Variants in CTNNA3 observed in about 807,000 individuals in gnomAD.
CTNNA3 encodes the protein catenin alpha 3.
In CTNNA3, 76 loss-of-function variants were observed where a neutral mutation model predicts 95.7. That is an observed-to-expected ratio of 0.79 (90% confidence interval 0.66 to 0.96). The LOEUF (loss-of-function observed/expected upper bound fraction) is 0.96. Among genes scored for constraint, CTNNA3 ranks in the 40% least tolerant of loss-of-function variants. CTNNA3 has a pLI of 0.00. For synonymous variants in CTNNA3, 431 were observed against 374.4 expected (o/e 1.15, Z -1.74); for missense variants, 1,191 against 1,089.8 (o/e 1.09, Z -1.31).
intron 9 of CTNNA3, among the ~76,000 whole-genome samples, chr10:66,623,753 T>C (rs538007595): frequency 1.1e-3 from 164 of 152,304 alleles, no homozygotes; most frequent in Non-Finnish European, 1.8e-3. Flanking sequence ...TTAGTGCTAT[T>C]GTGTACAAAC....
intron 5 of CTNNA3, among the ~76,000 whole-genome samples, chr10:67,452,866 T>C (rs1224438952): frequency 6.6e-6 from 1 of 152,202 alleles, no homozygotes; most frequent in Non-Finnish European, 1.5e-5. Flanking sequence ...CAGGGGGTAG[T>C]TGGGAGGAGA....
chr10:67,734,743 A>G (rs1311649904), intron 1 of CTNNA3, among the ~76,000 whole-genome samples: 2 of 152,142 alleles, frequency 1.3e-5, no homozygotes, highest in Non-Finnish European at 2.9e-5. Flanking sequence ...ACCAAAAATA[A>G]TATATCTAAG....
At chr10:66,065,471 CT>C (rs1221972921) in intron 15 of CTNNA3, among the ~76,000 whole-genome samples, 1 of 152,034 alleles carries the variant, frequency 6.6e-6, no homozygotes, top group Non-Finnish European at 1.5e-5. Context: ...TCTTACCTAT[CT>C]TTTTAAATAA....
chr10:66,980,097 A>G lies in CTNNA3; in HGVS notation c.1047+200220T>C, dbSNP rs868761958. Among the ~76,000 whole-genome samples the G allele has an allele frequency of 2.5e-4, 38 of 152,254 alleles. 1 individual carries two copies. In the Middle Eastern group the frequency reaches 0.01, roughly 41 times the overall value. ...TAATAACTTGTAAAGCACCAACTGT[A>G]TTTCCTGGTTACTAATCAAATTTGT... On this transcript the variant is annotated intron_variant, in intron 7 of 17. Transcript: ENST00000433211.
At position 66,180,017 on chromosome 10, in the gene CTNNA3, T is replaced by C. The variant is rs115304600; in HGVS notation, c.1885-76768A>G. On this transcript the variant is annotated intron_variant, in intron 13 of 17. Transcript: ENST00000433211. Reference sequence around the variant, plus strand: ...ATTTATAAAAAATTAAGTTTGCTTTTAAAACTTAAAAGTGTTAGTTCTGAA... The same window carrying C: ...ATTTATAAAAAATTAAGTTTGCTTTCAAAACTTAAAAGTGTTAGTTCTGAA... Among the ~76,000 whole-genome samples the C allele has an allele frequency of 1.6e-3, 239 of 152,316 alleles. 1 individual carries two copies. Among genetic ancestry groups the C allele is most frequent in the Middle Eastern group, 6.8e-3 (2 of 294 alleles).
chr10:67,514,665 A>G (rs1340220364), intron 5 of CTNNA3, among the ~76,000 whole-genome samples: 1 of 151,346 alleles, frequency 6.6e-6, no homozygotes, highest in Non-Finnish European at 1.5e-5. Flanking sequence ...CAAACACTGA[A>G]GTTGTTTTTT....
At chr10:66,893,488 G>A (rs1845351170) in intron 7 of CTNNA3, among the ~76,000 whole-genome samples, 1 of 151,268 alleles carries the variant, frequency 6.6e-6, no homozygotes, top group Non-Finnish European at 1.5e-5. Flanking sequence ...ATAGATTAAG[G>A]TACAAACTTT....
intron 7 of CTNNA3, among the ~76,000 whole-genome samples, chr10:66,986,466 C>T (rs1275965328): frequency 2.0e-5 from 3 of 151,782 alleles, no homozygotes; most frequent in Admixed American, 6.6e-5. Flanking sequence ...CACTGCACTC[C>T]AGCCTCAGCG....
chr10:67,751,628 G>T (rs1422628325), intron 1 of CTNNA3, among the ~76,000 whole-genome samples: 1 of 151,956 alleles, frequency 6.6e-6, no homozygotes, highest in Admixed American at 6.6e-5. Flanking sequence ...AACTGATGAA[G>T]GAGATATCAT....
At chr10:66,940,425 G>A (rs1462257947) in intron 7 of CTNNA3, among the ~76,000 whole-genome samples, 2 of 152,132 alleles carry the variant, frequency 1.3e-5, no homozygotes, top group East Asian at 1.9e-4. Context: ...AGTGAGCAAC[G>A]ATTGCACCAC....
intron 13 of CTNNA3, among the ~76,000 whole-genome samples, chr10:66,246,297 T>G (rs1202761142): frequency 6.6e-6 from 1 of 151,714 alleles, no homozygotes; most frequent in East Asian, 2.0e-4. Flanking sequence ...AGCCATGATT[T>G]GGGCAGCCAC....
chr10:66,640,528 C>A (rs1407974611), intron 9 of CTNNA3, among the ~76,000 whole-genome samples: 9 of 152,260 alleles, frequency 5.9e-5, no homozygotes, highest in African/African-American at 2.2e-4. Context: ...CCAATTCTAC[C>A]TTTCTCCCTT....
At chr10:67,099,040 A>G (rs1197115217) in intron 7 of CTNNA3, 1 of 151,876 alleles carries the variant, frequency 6.6e-6, no homozygotes, top group African/African-American at 2.4e-5. Flanking sequence ...GGAGAACTTT[A>G]TCACTCAAGT....
At chr10:67,235,046 C>T (rs1290515430) in intron 5 of CTNNA3, among the ~76,000 whole-genome samples, 5 of 146,440 alleles carry the variant, frequency 3.4e-5, no homozygotes, top group South Asian at 2.2e-4. Context: ...ATTCCATGCT[C>T]ATGGGTAGGA....
chr10:66,379,309 T>C lies in CTNNA3; in HGVS notation c.1575A>G (p.Leu525=). Residue 525 remains leucine (L), a synonymous_variant, in exon 12 of 18, where the codon TTA becomes TTG. Transcript: ENST00000433211. The part of the protein sequence containing the change: ...LEDVNKCIIA[L]RDQDADNLDR... ...CTAAATTATCAGCATCCTGGTCTCT[T>C]AAGGCTATGATACACTTGTTGACAT... 7 of 1,614,118 alleles carry C rather than the reference T, an allele frequency of 4.3e-6. No homozygotes were observed. The highest frequency in any genetic ancestry group is 5.9e-6 in the Non-Finnish European group (7 of 1,179,984).
intron 10 of CTNNA3, among the ~76,000 whole-genome samples, chr10:66,555,385 G>A (rs1281805874): frequency 2.0e-5 from 3 of 152,000 alleles, no homozygotes; most frequent in African/African-American, 7.2e-5. Flanking sequence ...GCCCAGTTAC[G>A]TTTACACTTA....
intron 6 of CTNNA3, among the ~76,000 whole-genome samples, chr10:67,203,671 A>C (rs1328127593): frequency 6.6e-6 from 1 of 151,990 alleles, no homozygotes; most frequent in Non-Finnish European, 1.5e-5. Flanking sequence ...AAATATCTTG[A>C]TTTTTCTTGC....
chr10:67,657,786 G>A (rs985143657), intron 1 of CTNNA3, among the ~76,000 whole-genome samples: 30 of 145,136 alleles, frequency 2.1e-4, no homozygotes, highest in Admixed American at 5.7e-4. Context: ...GGCGGAGGTT[G>A]CAGTGAGCTG....
At chr10:66,848,256 C>T (rs530145704) in intron 7 of CTNNA3, among the ~76,000 whole-genome samples, 1 of 152,116 alleles carries the variant, frequency 6.6e-6, no homozygotes, top group Non-Finnish European at 1.5e-5. Flanking sequence ...GATAGTTACA[C>T]ATAATTTAAT....
Sources: gnomAD v4.1 joint callset for allele counts (sites outside exome capture counted in the v4.1 genomes callset) on GRCh38, gnomAD v4.1.1 for gene constraint, MANE v1.5 for transcripts, NCBI Gene and HGNC (gene_info 2026-07-23, HGNC 2026-07-21) for gene names.